Variants in MECOM observed in about 807,000 individuals in gnomAD.
MECOM encodes the protein histone-lysine N-methyltransferase MECOM.
In MECOM, 13 loss-of-function variants were observed where a neutral mutation model predicts 116.3. The observed-to-expected ratio is 0.11, with a 90% CI of 0.07 to 0.18. MECOM has a LOEUF of 0.18. Ranked by LOEUF, MECOM falls within the 10% of genes least tolerant of loss-of-function variation. The pLI is 1.00. For missense variants in MECOM, 1,299 were observed against 1,509.0 expected (o/e 0.86, Z 2.31); for synonymous variants, 528 against 535.2 (o/e 0.99, Z 0.19).
chr3:169,108,201 T>C (rs1560162520), intron 9 of MECOM, among the ~76,000 whole-genome samples: 3 of 152,206 alleles, frequency 2.0e-5, no homozygotes, highest in Admixed American at 1.3e-4. Context: ...TGCTACCTAC[T>C]AGCAAATCTT....
At chr3:169,651,123 G>A (rs1307886699) in intron 1 of MECOM, among the ~76,000 whole-genome samples, 1 of 152,170 alleles carries the variant, frequency 6.6e-6, no homozygotes, top group Non-Finnish European at 1.5e-5. Context: ...TCCCCACTCA[G>A]TGTTATGTTG....
chr3:169,264,143 C>T (rs978898075), intron 2 of MECOM, among the ~76,000 whole-genome samples: 2 of 152,178 alleles, frequency 1.3e-5, no homozygotes, highest in African/African-American at 4.8e-5. Context: ...TGACATACTA[C>T]TTAACTTCCA....
At chr3:169,586,011 A>G (rs1765733575) in intron 1 of MECOM, among the ~76,000 whole-genome samples, 2 of 152,196 alleles carry the variant, frequency 1.3e-5, no homozygotes, top group Admixed American at 6.5e-5. Context: ...TACAACCACA[A>G]AATTGCACCC....
At chr3:169,630,489 G>A (rs910154585) in intron 1 of MECOM, among the ~76,000 whole-genome samples, 1 of 145,966 alleles carries the variant, frequency 6.9e-6, no homozygotes, top group African/African-American at 2.5e-5. Context: ...TCACACTCTT[G>A]TTCCCCAGGC....
At chr3:169,270,945 C>A (rs1179204203) in intron 2 of MECOM, among the ~76,000 whole-genome samples, 1 of 152,110 alleles carries the variant, frequency 6.6e-6, no homozygotes, top group Non-Finnish European at 1.5e-5. Context: ...TTTTGTAATA[C>A]TGCTTTTATG....
chr3:169,174,975 C>CT (rs34737522), intron 2 of MECOM, among the ~76,000 whole-genome samples: 15,026 of 152,040 alleles, frequency 0.099, 962 homozygotes, highest in Non-Finnish European at 0.14. Flanking sequence ...TATTGATTGC[C>CT]TTTTTTGTCA....
At chr3:169,364,968 T>C (rs1728910013) in intron 2 of MECOM, among the ~76,000 whole-genome samples, 1 of 152,064 alleles carries the variant, frequency 6.6e-6, no homozygotes, top group Admixed American at 6.6e-5. Context: ...ATTTACTTAA[T>C]GGAAAGAATT....
chr3:169,307,721 A>T (rs1717977099), intron 2 of MECOM, among the ~76,000 whole-genome samples: 1 of 152,202 alleles, frequency 6.6e-6, no homozygotes, highest in Non-Finnish European at 1.5e-5. Flanking sequence ...GTATAAAAAG[A>T]TAAACAGTGA....
intron 2 of MECOM, among the ~76,000 whole-genome samples, chr3:169,353,705 C>T (rs565541485): frequency 7.2e-4 from 110 of 151,798 alleles, no homozygotes; most frequent in Non-Finnish European, 6.5e-4. Context: ...TGAAGATAAC[C>T]TTATTTTTTT....
At chr3:169,294,839 G>A (rs76329647) in intron 2 of MECOM, among the ~76,000 whole-genome samples, 3,432 of 152,086 alleles carry the variant, frequency 0.023, 90 homozygotes, top group Middle Eastern at 0.027. Context: ...GGTCTGCTTG[G>A]ACAGAGTTCT....
At chr3:169,651,363 A>G (rs184681246) in intron 1 of MECOM, among the ~76,000 whole-genome samples, 1 of 152,316 alleles carries the variant, frequency 6.6e-6, no homozygotes, top group Admixed American at 6.5e-5. Context: ...TATGAAACCC[A>G]CTTGATCATG....
At chr3:169,526,128 C>T (rs1757944213) in intron 1 of MECOM, among the ~76,000 whole-genome samples, 1 of 151,908 alleles carries the variant, frequency 6.6e-6, no homozygotes, top group South Asian at 2.1e-4. Context: ...CAATAGTTGA[C>T]TCAGGATTCC....
intron 1 of MECOM, among the ~76,000 whole-genome samples, chr3:169,487,168 C>T (rs527357685): frequency 2.0e-5 from 3 of 151,710 alleles, no homozygotes; most frequent in African/African-American, 7.3e-5. Context: ...CAAAACATTA[C>T]TAAAATTAAT....
At chr3:169,329,441 T>C (rs1483025185) in intron 2 of MECOM, among the ~76,000 whole-genome samples, 2 of 152,164 alleles carry the variant, frequency 1.3e-5, no homozygotes, top group African/African-American at 4.8e-5. Context: ...CAAAACTATG[T>C]GGGGAGTGTG....
Position 169,115,871 on chromosome 3 carries a change from A to C in MECOM, c.2001T>G (p.Ser667=), listed in dbSNP as rs753713695. ...AVNDSIKAIA[S]IAEKYFGSTG... is the part of the protein sequence containing the mutation. ...TTGAACCAAAGTATTTTTCAGCAAT[A>C]GAAGCAATAGCCTTTATAGAATCAT... The change falls in exon 8 of 17, where the codon TCT becomes TCG. Residue 667 remains serine (S), a synonymous_variant. Coordinates refer to ENST00000651503, the MANE Select transcript of MECOM (RefSeq NM_004991.4). The C allele has an allele frequency of 6.2e-7, 1 of 1,614,144 alleles. No homozygotes were observed. Among genetic ancestry groups the C allele is most frequent in the East Asian group, 2.2e-5 (1 of 44,890 alleles).
At chr3:169,087,098 C>T (rs1269103785) in intron 16 of MECOM, among the ~76,000 whole-genome samples, 1 of 152,042 alleles carries the variant, frequency 6.6e-6, no homozygotes, top group Non-Finnish European at 1.5e-5. Context: ...GCTAGTGTTT[C>T]TTATAACAGT....
chr3:169,090,226 T>C lies in MECOM; in HGVS notation c.3175A>G (p.Ser1059Gly), dbSNP rs149936077. The change falls in exon 15 of 17, where the codon AGT (serine) becomes GGT (glycine). Residue 1059 changes from serine to glycine, a missense_variant. Physicochemically the swap from Ser to Gly is moderately conservative, Grantham distance 56. Coordinates refer to ENST00000651503, the MANE Select transcript of MECOM (RefSeq NM_004991.4). ...AAAGCCTTTTCATCTTTAAAATGAC[T>C]GCCATTCATTCTTTCAAAAGCATTA... is the stretch of plus-strand genomic sequence containing the variant. ...PRNVEERMNG[S>G]HFKDEKALVT... The C allele has an allele frequency of 2.9e-5, 47 of 1,606,030 alleles. No homozygotes were observed. The African/African-American group carries it at 6.2e-4, about 21-fold the overall frequency.
chr3:169,633,181 G>C (rs1772298109), intron 1 of MECOM, among the ~76,000 whole-genome samples: 1 of 151,952 alleles, frequency 6.6e-6, no homozygotes. Flanking sequence ...ATATTTGCTT[G>C]AAAGTCTTCT....
intron 3 of MECOM, among the ~76,000 whole-genome samples, chr3:169,138,751 TA>T (rs145055862): frequency 0.039 from 5,898 of 152,150 alleles, 409 homozygotes; most frequent in African/African-American, 0.14. Flanking sequence ...TTAAAAAGTA[TA>T]AAGAGGGTAA....
Sources: gnomAD v4.1 joint callset for allele counts (sites outside exome capture counted in the v4.1 genomes callset) on GRCh38, gnomAD v4.1.1 for gene constraint, MANE v1.5 for transcripts, NCBI Gene and HGNC (gene_info 2026-07-23, HGNC 2026-07-21) for gene names.